The following HCN2 variants were observed in gnomAD, a reference collection of about 807,000 sequenced individuals.
The protein encoded by HCN2 is potassium/sodium hyperpolarization-activated cyclic nucleotide-gated channel 2.
Under a neutral mutation model 52.3 loss-of-function variants are expected in HCN2, and 20 were observed. The observed-to-expected ratio is 0.38, with a 90% confidence interval of 0.27 to 0.56. HCN2 has a LOEUF of 0.56. Ranked by LOEUF, HCN2 falls within the 20% of genes least tolerant of loss-of-function variation. The pLI is 0.71. For missense variants in HCN2, 981 were observed against 1,207.7 expected, an observed-to-expected ratio of 0.81 and a Z score of 2.78; for synonymous variants, 694 against 537.0, an observed-to-expected ratio of 1.29 and a Z score of -4.04.
Position 613,254 on chromosome 19 carries a change from G to A in HCN2, c.1591G>A (p.Val531Ile), listed in dbSNP as rs1165534917. 6 of 1,611,156 alleles carry A rather than the reference G, an allele frequency of 3.7e-6. No individual in the cohort carries two copies. The highest frequency in any genetic ancestry group is 3.4e-6 in the Non-Finnish European group (4 of 1,179,282). The change falls in exon 6 of 8, where the codon GTC (valine) becomes ATC (isoleucine). Residue 531 changes from valine (V) to isoleucine (I), a missense_variant. By Grantham distance (29) the Val-to-Ile change is conservative. Transcript: ENST00000251287. ...ELNGPLREEI[V>I]NFNCRKLVAS... ...CCCTGCCTCCCCCCTGCAGGAGATC[G>A]TCAACTTCAACTGCCGGAAGCTGGT... is the stretch of plus-strand genomic sequence containing the variant.
chr19:608,545 T>C (rs1253951121), intron 4 of HCN2, among the ~76,000 whole-genome samples: 1 of 144,570 alleles, frequency 6.9e-6, no homozygotes, highest in Non-Finnish European at 1.5e-5. Context: ...TCTCTGACCC[T>C]GTGACAGGGA....
At chr19:602,944 GCGCCTGGGGGGAAGGCACCGGCC>G (rs1983256858) in intron 1 of HCN2, among the ~76,000 whole-genome samples, 1 of 84,268 alleles carries the variant, frequency 1.2e-5, no homozygotes, top group African/African-American at 5.0e-5. Flanking sequence ...TGTCCTGCAG[GCGCCTGGGGGGAAGGCACCGGCC>G]TGAGCTGTGG....
intron 4 of HCN2, 82 bp downstream of exon 4, chr19:608,264 G>A: frequency 2.3e-6 from 3 of 1,316,802 alleles, no homozygotes; most frequent in Non-Finnish European, 1.1e-6. Context: ...GTCAGGCCAG[G>A]CCCTGGGGTC....
rs781491838 is a variant in HCN2, at chr19:615,871, C to T, written c.2067C>T (p.Ala689=). The change falls in exon 8 of 8, where the codon GCC becomes GCT. Residue 689 remains alanine, a synonymous_variant. Transcript: ENST00000251287. ...NSGVFNNQEN[A]IIQEIVKYDR... is the part of the protein sequence containing the mutation. Reference sequence around the variant, plus strand: ...GCGTATTCAACAACCAGGAGAACGCCATCATCCAGGAGATCGTCAAGTACG... The same window carrying T: ...GCGTATTCAACAACCAGGAGAACGCTATCATCCAGGAGATCGTCAAGTACG... 3.1e-6 allele frequency: 5 copies of T among 1,613,088 alleles called. No homozygotes were observed. Among genetic ancestry groups the T allele is most frequent in the Admixed American group, 1.7e-5 (1 of 60,006 alleles).
intron 2 of HCN2, among the ~76,000 whole-genome samples, chr19:604,743 G>GCAGCAAGGGCGGGACAATGAT (rs1983352961): frequency 9.2e-6 from 1 of 108,650 alleles, no homozygotes; most frequent in African/African-American, 4.2e-5. Context: ...GGGGATATGA[G>GCAGCAAGGGCGGGACAATGAT]GGTTGTGCTG....
In HCN2 at chr19:601,414, G is replaced by A. The variant is rs534337884; in HGVS notation, c.633-2130G>A. ...CCTCACTCCTTTTCGTGGCTGAGTCGTGTTCCATGGTGGACGGGTCGCGCC... is the reference window on the plus strand; with the variant it reads ...CCTCACTCCTTTTCGTGGCTGAGTCATGTTCCATGGTGGACGGGTCGCGCC... On this transcript the variant is annotated intron_variant, in intron 1 of 7. Transcript: ENST00000251287. 5.4e-4 allele frequency among the ~76,000 whole-genome samples: 83 copies of A among 152,324 alleles called. 1 individual carries two copies. The highest frequency in any genetic ancestry group is 3.4e-3 in the Middle Eastern group (1 of 294).
intron 6 of HCN2, among the ~76,000 whole-genome samples, 168 bp downstream of exon 6, chr19:613,656 TGGGGCCGGGGATGGGGATGGGGCC>T (rs1983758430): frequency 1.7e-4 from 1 of 5,844 alleles, no homozygotes; most frequent in African/African-American, 7.8e-4. Flanking sequence ...GGGATGGGGA[TGGGGCCGGGGATGGGGATGGGGCC>T]GGGGATGGGG....
intron 3 of HCN2, 93 bp downstream of exon 3, chr19:605,315 C>T: frequency 5.5e-6 from 7 of 1,277,862 alleles, no homozygotes; most frequent in South Asian, 1.4e-5. Context: ...GAGGGTTGAA[C>T]CCAAGCCTTT....
At chr19:610,642 T>G (rs1279371490) in intron 5 of HCN2, among the ~76,000 whole-genome samples, 1 of 152,176 alleles carries the variant, frequency 6.6e-6, no homozygotes, top group South Asian at 2.1e-4. Flanking sequence ...TGCCTGGGTC[T>G]GTGCCTGACA....
Position 592,547 on chromosome 19 carries a change from G to T in HCN2, c.632+1970G>T, listed in dbSNP as rs764392700. ...GAGGCCCCTGTGTGGACCAAGTGCAGCCCCACCCCGGCAGATGAGTGTTGA... is the reference window on the plus strand; with the variant it reads ...GAGGCCCCTGTGTGGACCAAGTGCATCCCCACCCCGGCAGATGAGTGTTGA... On this transcript the variant is annotated intron_variant, in intron 1 of 7. Transcript: ENST00000251287. This position sits in a 1 kb window ranked among gnomAD's most constrained non-coding sequence, Gnocchi z 4.8. Among the ~76,000 whole-genome samples, 10 of 152,176 alleles carry T rather than the reference G, an allele frequency of 6.6e-5. No individual in the cohort carries two copies. The highest frequency in any genetic ancestry group is 1.0e-4 in the Non-Finnish European group (7 of 68,024).
At chr19:615,745 G>A (rs1983873715) in intron 7 of HCN2, 50 bp from the exon 8 acceptor site, 4 of 1,594,048 alleles carry the variant, frequency 2.5e-6, no homozygotes, top group South Asian at 1.1e-5. Context: ...GGTGCCCGCT[G>A]TACGCAGCAG....
chr19:595,275 C>A (rs1177478154), intron 1 of HCN2, among the ~76,000 whole-genome samples: 2 of 151,576 alleles, frequency 1.3e-5, no homozygotes, highest in African/African-American at 4.9e-5. Flanking sequence ...TTGGGCCGGG[C>A]CCTGCCTCAC....
chr19:612,113 C>T (rs1002515360), intron 5 of HCN2, among the ~76,000 whole-genome samples: 18 of 151,968 alleles, frequency 1.2e-4, no homozygotes, highest in African/African-American at 4.4e-4. Flanking sequence ...CCACTGCACT[C>T]CAGCCTGGAC....
At chr19:615,619 C>T (rs1983866079) in intron 7 of HCN2, among the ~76,000 whole-genome samples, 176 bp from the exon 8 acceptor site, 1 of 152,220 alleles carries the variant, frequency 6.6e-6, no homozygotes, top group Admixed American at 6.5e-5. Context: ...ACTCAATATC[C>T]ATACTATAGG....
chr19:599,914 A>G (rs1025627594), intron 1 of HCN2, among the ~76,000 whole-genome samples: 3 of 146,556 alleles, frequency 2.0e-5, no homozygotes, highest in Non-Finnish European at 4.5e-5. Context: ...GTCTCATGTT[A>G]CCCAGGCTGG....
At chr19:601,801 C>T (rs1240282325) in intron 1 of HCN2, among the ~76,000 whole-genome samples, 6 of 152,006 alleles carry the variant, frequency 3.9e-5, no homozygotes, top group East Asian at 1.9e-4. Context: ...TGTGTGGACG[C>T]GGCACTCCCA....
rs186109870 is a variant in HCN2 at position 607,475 on chromosome 19, C to A, written c.1219-489C>A. The stretch of plus-strand genomic sequence containing the variant: ...CACAGCTGCCCAGGCTGAGGCAGCC[C>A]ATTGTCTGGCTGCCACCCGCACATG... On this transcript the variant is annotated intron_variant, in intron 3 of 7. Coordinates refer to ENST00000251287, the MANE Select transcript of HCN2 (RefSeq NM_001194.4). Among the ~76,000 whole-genome samples the A allele has an allele frequency of 1.8e-4, 28 of 152,356 alleles. No homozygotes were observed. The East Asian group carries it at 5.4e-3, about 29-fold the overall frequency.
chr19:609,164 G>A (rs1983521774), intron 4 of HCN2, among the ~76,000 whole-genome samples: 1 of 152,192 alleles, frequency 6.6e-6, no homozygotes, highest in South Asian at 2.1e-4. Context: ...ATAAGCTGGT[G>A]CCACCACCCG....
chr19:608,079 T>C lies in HCN2; in HGVS notation c.1334T>C (p.Met445Thr). 10 of 1,613,242 alleles carry C rather than the reference T, an allele frequency of 6.2e-6. No individual in the cohort carries two copies. Among genetic ancestry groups the C allele is most frequent in the Non-Finnish European group, 8.5e-6 (10 of 1,180,022 alleles). The stretch of plus-strand genomic sequence containing the variant: ...AGCATGACGGACATCTGGCTGACCA[T>C]GCTCAGCATGATTGTGGGTGCCACC... ...PESMTDIWLT[M>T]LSMIVGATCY... The change falls in exon 4 of 8, where the codon ATG becomes ACG. Residue 445 changes from methionine to threonine, a missense_variant. By Grantham distance (81) the Met-to-Thr change is moderately conservative. This residue lies in a region of HCN2 where 282 missense variants were observed against 553.8 expected (regional missense o/e 0.51). Transcript: ENST00000251287.
Sources: allele counts gnomAD v4.1 joint callset (sites outside exome capture counted in the v4.1 genomes callset), GRCh38; gene constraint gnomAD v4.1.1; regional missense constraint gnomAD v4.1.1; non-coding constraint Gnocchi (gnomAD v3.1); transcripts MANE v1.5; gene names NCBI Gene and HGNC (gene_info 2026-07-23, HGNC 2026-07-21).